Variants in ARMC2 observed in about 807,000 individuals in gnomAD.
The protein encoded by ARMC2 is armadillo repeat containing 2.
ARMC2 carries 67 observed loss-of-function variants against 90.3 expected under a neutral mutation model. That is an observed-to-expected ratio of 0.74 (90% CI 0.61 to 0.91). ARMC2 has a LOEUF of 0.91. Among genes scored for constraint, ARMC2 ranks in the 40% least tolerant of loss-of-function variants. ARMC2 has a pLI of 0.00. For synonymous variants in ARMC2, 393 were observed against 393.0 expected, an observed-to-expected ratio of 1.00 and a Z score of 0.00; for missense variants, 920 against 1,030.9, an observed-to-expected ratio of 0.89 and a Z score of 1.47.
chr6:108,920,761 G>A (rs888557235), intron 10 of ARMC2, among the ~76,000 whole-genome samples: 1 of 152,110 alleles, frequency 6.6e-6, no homozygotes, highest in Non-Finnish European at 1.5e-5. Flanking sequence ...TACCCACCCA[G>A]TCACAGACCA....
intron 12 of ARMC2, 143 bp from the exon 13 acceptor site, chr6:108,952,890 T>A (rs1311475599): frequency 1.3e-6 from 1 of 789,662 alleles, no homozygotes; most frequent in Non-Finnish European, 2.0e-6. Context: ...ATCTTGAGAA[T>A]CAAATACTGT....
intron 5 of ARMC2, chr6:108,879,926 A>G (rs17316116): frequency 4.3e-6 from 2 of 470,126 alleles, no homozygotes; most frequent in African/African-American, 4.0e-5. Flanking sequence ...ATCTCCTTCT[A>G]GCCCTCACTG....
intron 1 of ARMC2, among the ~76,000 whole-genome samples, chr6:108,852,683 G>C (rs1473751911): frequency 6.6e-6 from 1 of 152,158 alleles, no homozygotes; most frequent in African/African-American, 2.4e-5. Context: ...AGATTTGCCA[G>C]ATTACTTTTG....
chr6:108,982,792 A>G, the ARMC2 span, among the ~76,000 whole-genome samples: 1 of 147,018 alleles, frequency 6.8e-6, no homozygotes, highest in Admixed American at 6.8e-5. Flanking sequence ...AGAAATGTCT[A>G]TTCAAGTCTT....
At chr6:108,867,213 A>C (rs960928084) in intron 3 of ARMC2, among the ~76,000 whole-genome samples, 8 of 152,222 alleles carry the variant, frequency 5.3e-5, no homozygotes, top group Admixed American at 1.3e-4. Flanking sequence ...CATTGGAGGC[A>C]GGAAGGATAA....
the ARMC2 span, among the ~76,000 whole-genome samples, chr6:109,015,992 A>G: frequency 1.3e-5 from 2 of 152,218 alleles, no homozygotes; most frequent in South Asian, 2.1e-4. Context: ...TTAGCCAGGC[A>G]TAATATTAAA....
At chr6:108,992,923 G>T in the ARMC2 span, 11 of 1,496,566 alleles carry the variant, frequency 7.4e-6, no homozygotes, top group Non-Finnish European at 1.0e-5. Context: ...CCATTGAAAG[G>T]TTTTTAAAAA....
chr6:108,979,612 G>A, the ARMC2 span, among the ~76,000 whole-genome samples: 61 of 152,114 alleles, frequency 4.0e-4, no homozygotes, highest in Non-Finnish European at 4.9e-4. Flanking sequence ...CATTTTCCCC[G>A]TCACTTTCAG....
At chr6:109,029,370 C>T in the ARMC2 span, among the ~76,000 whole-genome samples, 1 of 152,196 alleles carries the variant, frequency 6.6e-6, no homozygotes, top group Admixed American at 6.5e-5. Flanking sequence ...TTGTACTATT[C>T]AGAGCAATTC....
Position 108,881,275 on chromosome 6 carries a change from T to TCCCTC in ARMC2, c.671+4945_671+4949dup, listed in dbSNP as rs966197170. On this transcript the variant is annotated intron_variant, in intron 5 of 17. Transcript: ENST00000392644. ...TTTCTTTCTTCTTTCTTTTCTTCTC[T>TCCCTC]CCCTCCCCTCCCCTCCCCTCCCCTT... Among the ~76,000 whole-genome samples, 27 of 142,008 alleles carry TCCCTC rather than the reference T, an allele frequency of 1.9e-4. 1 individual carries two copies. The highest frequency in any genetic ancestry group is 6.3e-4 in the African/African-American group (23 of 36,352). The allele number at this position is 142,008 out of a possible 152,430, so 93.2% of individuals were successfully genotyped here.
chr6:109,022,515 C>T, the ARMC2 span, among the ~76,000 whole-genome samples: 6 of 146,728 alleles, frequency 4.1e-5, no homozygotes, highest in South Asian at 4.4e-4. Flanking sequence ...CTCCACCTCC[C>T]GGGTTCATGC....
chr6:109,040,526 G>A, the ARMC2 span, among the ~76,000 whole-genome samples: 4 of 151,928 alleles, frequency 2.6e-5, no homozygotes, highest in Admixed American at 2.0e-4. Context: ...TTAGGGTAAC[G>A]CCAGCAAATT....
At chr6:108,907,649 T>G (rs1772918410) in intron 8 of ARMC2, 3 of 1,597,094 alleles carry the variant, frequency 1.9e-6, no homozygotes, top group Non-Finnish European at 2.6e-6. Flanking sequence ...GAGATGCTTG[T>G]AGGAAAAGGA....
the ARMC2 span, among the ~76,000 whole-genome samples, chr6:109,026,886 ATCT>A: frequency 5.2e-4 from 79 of 152,024 alleles, no homozygotes; most frequent in East Asian, 3.7e-3. Context: ...TGTATAAGAC[ATCT>A]TCTGCCAGGC....
At chr6:108,967,018 C>T (rs534101268) in intron 17 of ARMC2, among the ~76,000 whole-genome samples, 2 of 152,352 alleles carry the variant, frequency 1.3e-5, no homozygotes, top group South Asian at 4.1e-4. Context: ...TCCCAAGTGA[C>T]CCCTCAGCCG....
Position 108,938,120 on chromosome 6 carries a change from A to G in ARMC2, c.1596+1121A>G, listed in dbSNP as rs772951565. On this transcript the variant is annotated intron_variant, in intron 12 of 17. Transcript: ENST00000392644. Reference sequence around the variant, plus strand: ...GTGAGATATTTTGTCCATGAATACAATGAGTATTCATTTTAAATGTGGTAA... The same window carrying G: ...GTGAGATATTTTGTCCATGAATACAGTGAGTATTCATTTTAAATGTGGTAA... 2.8e-4 allele frequency among the ~76,000 whole-genome samples: 43 copies of G among 152,228 alleles called. 1 individual carries two copies. Among genetic ancestry groups the G allele is most frequent in the Non-Finnish European group, 1.2e-4 (8 of 68,042 alleles).
At chr6:108,961,335 G>A (rs1378206025) in intron 13 of ARMC2, among the ~76,000 whole-genome samples, 1 of 152,212 alleles carries the variant, frequency 6.6e-6, no homozygotes, top group African/African-American at 2.4e-5. Flanking sequence ...TCCTGGCTGC[G>A]AGGATTGAGT....
At chr6:108,937,897 C>A (rs145653559) in intron 12 of ARMC2, among the ~76,000 whole-genome samples, 2 of 151,860 alleles carry the variant, frequency 1.3e-5, no homozygotes, top group African/African-American at 2.4e-5. Flanking sequence ...GAGGTTTCAC[C>A]GTGTTAGCCA....
At chr6:108,942,751 T>G (rs1776545475) in intron 12 of ARMC2, among the ~76,000 whole-genome samples, 1 of 152,150 alleles carries the variant, frequency 6.6e-6, no homozygotes, top group Non-Finnish European at 1.5e-5. Context: ...CTTCCCTGTT[T>G]TTGTTCTGGG....
Sources: gnomAD v4.1 joint callset for allele counts (sites outside exome capture counted in the v4.1 genomes callset) on GRCh38, gnomAD v4.1.1 for gene constraint, MANE v1.5 for transcripts, NCBI Gene and HGNC (gene_info 2026-07-23, HGNC 2026-07-21) for gene names.